Variants in STX3 observed in about 807,000 individuals in gnomAD.
The protein encoded by STX3 is syntaxin 3, also known as syntaxin-3.
STX3 carries 19 observed loss-of-function variants against 40.2 expected under a neutral mutation model. That is an observed-to-expected ratio of 0.47 (90% CI 0.33 to 0.69). The LOEUF is 0.69. STX3 is among the 30% of genes least tolerant of loss of function. The pLI is 0.02. For missense variants in STX3, 364 were observed against 366.7 expected, an observed-to-expected ratio of 0.99 and a Z score of 0.06; for synonymous variants, 122 against 132.2, an observed-to-expected ratio of 0.92 and a Z score of 0.53.
intron 2 of STX3, among the ~76,000 whole-genome samples, chr11:59,779,369 C>T (rs1346079738): frequency 3.9e-5 from 6 of 152,176 alleles, no homozygotes; most frequent in African/African-American, 2.4e-5. Flanking sequence ...AGCTCTTTGG[C>T]CTCTGCTTAT....
chr11:59,770,012 G>T (rs917668581), intron 1 of STX3, among the ~76,000 whole-genome samples: 2 of 150,994 alleles, frequency 1.3e-5, no homozygotes, highest in African/African-American at 2.4e-5. Context: ...GTGGGTGTAT[G>T]TGTGGAGTGT....
chr11:59,763,820 C>T (rs1169113002), intron 1 of STX3, among the ~76,000 whole-genome samples: 5 of 152,168 alleles, frequency 3.3e-5, no homozygotes, highest in African/African-American at 1.2e-4. Flanking sequence ...GAGTTCAAGA[C>T]CATCCTGGCC....
intron 10 of STX3, among the ~76,000 whole-genome samples, chr11:59,799,503 T>C (rs998312343): frequency 2.6e-5 from 4 of 152,254 alleles, no homozygotes; most frequent in Admixed American, 6.5e-5. Flanking sequence ...TATTTTGCTG[T>C]AGCTAACAGT....
intron 1 of STX3, among the ~76,000 whole-genome samples, chr11:59,772,544 C>T (rs1240615212): frequency 6.6e-6 from 1 of 152,104 alleles, no homozygotes; most frequent in African/African-American, 2.4e-5. Context: ...AATCTTTACT[C>T]CTAATGTGAA....
chr11:59,788,071 T>A (rs967428922), intron 3 of STX3, among the ~76,000 whole-genome samples: 3 of 152,222 alleles, frequency 2.0e-5, no homozygotes, highest in African/African-American at 7.2e-5. Flanking sequence ...CATTTCCTGT[T>A]CACTCATACC....
At chr11:59,764,457 A>G (rs2134879110) in intron 1 of STX3, among the ~76,000 whole-genome samples, 1 of 152,324 alleles carries the variant, frequency 6.6e-6, no homozygotes, top group Middle Eastern at 3.4e-3. Context: ...CCATATAGCT[A>G]TTAAATGGTA....
intron 1 of STX3, among the ~76,000 whole-genome samples, chr11:59,769,443 G>A (rs934063129): frequency 2.0e-5 from 3 of 152,178 alleles, no homozygotes; most frequent in African/African-American, 7.2e-5. Flanking sequence ...CATAAGGTCT[G>A]TGGGGGTATT....
intron 10 of STX3, among the ~76,000 whole-genome samples, chr11:59,799,265 A>C (rs1475375696): frequency 1.3e-5 from 2 of 152,226 alleles, no homozygotes; most frequent in Non-Finnish European, 2.9e-5. Flanking sequence ...TACAGAAAAC[A>C]TAAAACTAAT....
Position 59,801,577 on chromosome 11 carries a change from A to G in STX3, c.*753A>G, listed in dbSNP as rs868284154. 2 of 985,354 alleles carry G rather than the reference A, an allele frequency of 2.0e-6. No individual in the cohort carries two copies. Among genetic ancestry groups the G allele is most frequent in the Middle Eastern group, 5.2e-4 (1 of 1,936 alleles). The allele number at this position is 985,354 out of a possible 1,614,324, so 61.0% of individuals were successfully genotyped here. A position where few individuals can be genotyped will look rare whatever the true frequency, so the allele number is the denominator to read the frequency against. ...ATATGTTTCCATGTCTGAGTCTTAGAAACTGGCTGCTCATTGTTAGAAAGT... is the reference window on the plus strand; with the variant it reads ...ATATGTTTCCATGTCTGAGTCTTAGGAACTGGCTGCTCATTGTTAGAAAGT... On this transcript the variant is annotated 3_prime_UTR_variant, in exon 11 of 11. Transcript: ENST00000337979.
At chr11:59,757,549 G>A (rs557796078) in intron 1 of STX3, among the ~76,000 whole-genome samples, 2 of 152,300 alleles carry the variant, frequency 1.3e-5, no homozygotes, top group African/African-American at 4.8e-5. Context: ...TCTGTACAAT[G>A]GAATTAATGA....
In STX3 at chr11:59,803,516, C is replaced by A. The variant is rs1324062071; in HGVS notation, c.*2692C>A. ...GAGGGGGGAGACAGAAGGTGGCAAT[C>A]TGTCCTATAACCTGGTGTGGCAGAA... On this transcript the variant is annotated 3_prime_UTR_variant, in exon 11 of 11. Transcript: ENST00000337979. Among the ~76,000 whole-genome samples, 3 of 152,178 alleles carry A rather than the reference C, an allele frequency of 2.0e-5. No homozygotes were observed. The highest frequency in any genetic ancestry group is 1.3e-4 in the Admixed American group (2 of 15,282).
intron 3 of STX3, among the ~76,000 whole-genome samples, chr11:59,787,894 C>G (rs935795147): frequency 6.6e-6 from 1 of 152,180 alleles, no homozygotes; most frequent in African/African-American, 2.4e-5. Context: ...TCCACTCTTT[C>G]ATTTTTCCCA....
intron 2 of STX3, among the ~76,000 whole-genome samples, chr11:59,782,707 T>C (rs1203544151): frequency 6.6e-6 from 1 of 151,990 alleles, no homozygotes; most frequent in East Asian, 1.9e-4. Flanking sequence ...AAAAGTACAT[T>C]TTAGGCTGGG....
chr11:59,801,172 C>A lies in STX3; in HGVS notation c.*348C>A. 1 of 1,233,008 alleles carries A rather than the reference C, an allele frequency of 8.1e-7. No homozygotes were observed. The highest frequency in any genetic ancestry group is 2.8e-5 in the South Asian group (1 of 35,122). The allele number at this position is 1,233,008 out of a possible 1,614,324, so 76.4% of individuals were successfully genotyped here. A position where few individuals can be genotyped will look rare whatever the true frequency, so the allele number is the denominator to read the frequency against. On this transcript the variant is annotated 3_prime_UTR_variant, in exon 11 of 11. Transcript: ENST00000337979. The stretch of plus-strand genomic sequence containing the variant: ...TTGGGAAAGCTCTTGTGAGACTCTC[C>A]CAAGGTGCTGTATTTTTCTACCTCA...
chr11:59,790,876 T>C (rs1207461198), intron 5 of STX3, among the ~76,000 whole-genome samples: 1 of 152,138 alleles, frequency 6.6e-6, no homozygotes, highest in African/African-American at 2.4e-5. Flanking sequence ...AGGAAATTAA[T>C]GTCTTCTAAC....
chr11:59,801,368 G>A lies in STX3; in HGVS notation c.*544G>A. On this transcript the variant is annotated 3_prime_UTR_variant, in exon 11 of 11. Transcript: ENST00000337979. The stretch of plus-strand genomic sequence containing the variant: ...GTCCTGAAAACATGAGGGACTGGCA[G>A]ATGTCATTTTGGTCTAAAGAGCTGA... 2.0e-6 allele frequency: 2 copies of A among 988,766 alleles called. No homozygotes were observed. The highest frequency in any genetic ancestry group is 1.2e-6 in the Non-Finnish European group (1 of 831,680). The allele number at this position is 988,766 out of a possible 1,614,324, so 61.2% of individuals were successfully genotyped here.
At chr11:59,789,738 C>T (rs763524276) in intron 4 of STX3, among the ~76,000 whole-genome samples, 4 of 152,120 alleles carry the variant, frequency 2.6e-5, no homozygotes, top group Non-Finnish European at 4.4e-5. Flanking sequence ...CCACAATGCC[C>T]GGCCACCTAC....
chr11:59,781,365 TCCA>T (rs1353902610), intron 2 of STX3: 6 of 1,594,220 alleles, frequency 3.8e-6, no homozygotes, highest in Non-Finnish European at 5.1e-6. Context: ...CATGACACAC[TCCA>T]CCACTAATTT....
rs1590830711 is a variant in STX3 at position 59,797,494 on chromosome 11, C to T, written c.*30+98C>T. 3.5e-6 allele frequency: 3 copies of T among 856,076 alleles called. No homozygotes were observed. In the East Asian group the frequency reaches 7.7e-5, roughly 22 times the overall value. 53.0% of individuals were successfully genotyped at this position (856,076 alleles called of 1,614,324 possible). On this transcript the variant is annotated intron_variant, in intron 10 of 10. Coordinates refer to ENST00000337979, the MANE Select transcript of STX3 (RefSeq NM_004177.5). ...TCCTCTTCTTTCCCCCTATGATTGT[C>T]CTTGGACACACTGAGCTTTCTAAAA...
Sources: gnomAD v4.1 joint callset for allele counts (sites outside exome capture counted in the v4.1 genomes callset) on GRCh38, gnomAD v4.1.1 for gene constraint, MANE v1.5 for transcripts, NCBI Gene and HGNC (gene_info 2026-07-23, HGNC 2026-07-21) for gene names.